The following ATP2B2 variants were observed in gnomAD, a reference collection of about 807,000 sequenced individuals.
The protein encoded by ATP2B2 is plasma membrane calcium-transporting ATPase 2.
ATP2B2 carries 15 observed loss-of-function variants against 120.0 expected under a neutral mutation model. That is an observed-to-expected ratio of 0.12 (90% confidence interval 0.08 to 0.19). The LOEUF (loss-of-function observed/expected upper bound fraction) is 0.19. Ranked by LOEUF, ATP2B2 falls within the 10% of genes least tolerant of loss-of-function variation. ATP2B2 has a pLI of 1.00. For missense variants in ATP2B2, 1,045 were observed against 1,719.8 expected (o/e 0.61, Z 6.94); for synonymous variants, 694 against 700.3 (o/e 0.99, Z 0.14).
At chr3:10,585,959 A>G (rs1479396894) in intron 2 of ATP2B2, among the ~76,000 whole-genome samples, 1 of 152,130 alleles carries the variant, frequency 6.6e-6, no homozygotes, top group East Asian at 1.9e-4. Flanking sequence ...CCTATCTCCA[A>G]TCTAGAACCT....
At chr3:10,385,020 G>C (rs1374584339) in intron 8 of ATP2B2, among the ~76,000 whole-genome samples, 1 of 152,224 alleles carries the variant, frequency 6.6e-6, no homozygotes, top group Non-Finnish European at 1.5e-5. Flanking sequence ...GGGCTCCATG[G>C]GGAGTCAAGG....
At chr3:10,395,513 G>A (rs1265272780) in intron 5 of ATP2B2, among the ~76,000 whole-genome samples, 1 of 152,252 alleles carries the variant, frequency 6.6e-6, no homozygotes, top group East Asian at 1.9e-4. Flanking sequence ...TGATGAGGAG[G>A]AGAGTGAGAT....
intron 13 of ATP2B2, among the ~76,000 whole-genome samples, 173 bp from the exon 14 acceptor site, chr3:10,359,098 CA>C (rs2060822665): frequency 6.6e-6 from 1 of 152,160 alleles, no homozygotes; most frequent in South Asian, 2.1e-4. Context: ...AATTTTTGCC[CA>C]GGCCACTCAG....
Position 10,662,224 on chromosome 3 carries a change from A to G in ATP2B2, c.-459-42263T>C, listed in dbSNP as rs544234812. Among the ~76,000 whole-genome samples the G allele has an allele frequency of 2.0e-3, 301 of 152,246 alleles. 1 individual carries two copies. The highest frequency in any genetic ancestry group is 3.2e-3 in the Non-Finnish European group (221 of 68,030). On this transcript the variant is annotated intron_variant, in intron 1 of 21. Coordinates refer to the ATP2B2 transcript ENST00000646379. ...AAATACCAAAAGCAATGGCAACAAA[A>G]GCCAAAATTGACAAATGGTATCTAA... is the stretch of plus-strand genomic sequence containing the variant.
chr3:10,410,951 T>A, intron 2 of ATP2B2, 136 bp from the exon 3 acceptor site: 5 of 1,069,722 alleles, frequency 4.7e-6, no homozygotes, highest in Non-Finnish European at 6.9e-6. Flanking sequence ...CATCTCTTCA[T>A]GCTTTGGGCC....
At position 10,466,539 on chromosome 3, in the gene ATP2B2, T is replaced by A. The variant is rs538756405; in HGVS notation, c.-319-16677A>T. Among the ~76,000 whole-genome samples, 3 of 152,158 alleles carry A rather than the reference T, an allele frequency of 2.0e-5. 1 individual carries two copies. Among genetic ancestry groups the A allele is most frequent in the African/African-American group, 7.2e-5 (3 of 41,500 alleles). The stretch of plus-strand genomic sequence containing the variant: ...GGTCTTAGTGTCTCAGTTTGGAAGG[T>A]GGATGGGTAGCAAAAAAGGGGGCAC... On this transcript the variant is annotated intron_variant, in intron 1 of 22. Coordinates refer to ENST00000360273, the MANE Select transcript of ATP2B2 (RefSeq NM_001001331.4).
At chr3:10,393,967 G>C (rs3774159) in intron 5 of ATP2B2, among the ~76,000 whole-genome samples, 72,429 of 152,064 alleles carry the variant, frequency 0.48, 19,084 homozygotes, top group East Asian at 0.97. Flanking sequence ...TGTGGGGTAT[G>C]CTGAGCCATA....
At chr3:10,634,821 T>C (rs1003498033) in intron 1 of ATP2B2, among the ~76,000 whole-genome samples, 8 of 152,142 alleles carry the variant, frequency 5.3e-5, no homozygotes, top group African/African-American at 1.9e-4. Flanking sequence ...CAGCCAGAAC[T>C]CCACCATTAG....
intron 14 of ATP2B2, among the ~76,000 whole-genome samples, chr3:10,351,986 GTTTGTGTGAC>G (rs1438830423): frequency 6.6e-6 from 1 of 152,246 alleles, no homozygotes; most frequent in African/African-American, 2.4e-5. Flanking sequence ...GAGCCACTCA[GTTTGTGTGAC>G]TTTGATACGG....
chr3:10,567,528 G>A (rs1042493695), intron 2 of ATP2B2, among the ~76,000 whole-genome samples: 9 of 152,184 alleles, frequency 5.9e-5, no homozygotes, highest in Non-Finnish European at 1.5e-5. Flanking sequence ...GGGTGGTCTT[G>A]GGCATGACTT....
At chr3:10,445,100 G>T (rs545368115) in intron 2 of ATP2B2, among the ~76,000 whole-genome samples, 1 of 152,162 alleles carries the variant, frequency 6.6e-6, no homozygotes, top group African/African-American at 2.4e-5. Context: ...TCTTTCAAGG[G>T]GATGGGGCCC....
intron 3 of ATP2B2, among the ~76,000 whole-genome samples, chr3:10,510,775 C>T (rs2066745488): frequency 1.3e-5 from 2 of 152,226 alleles, no homozygotes; most frequent in Admixed American, 6.5e-5. Context: ...GGCAGACTGC[C>T]TTTCCCAGGC....
chr3:10,561,646 G>A (rs1315604604), intron 2 of ATP2B2, among the ~76,000 whole-genome samples: 1 of 152,086 alleles, frequency 6.6e-6, no homozygotes, highest in Non-Finnish European at 1.5e-5. Flanking sequence ...CTGAATCATG[G>A]GGGCAGTTTC....
intron 22 of ATP2B2, chr3:10,336,405 G>A (rs768200321): frequency 2.6e-6 from 3 of 1,142,948 alleles, no homozygotes; most frequent in Non-Finnish European, 3.7e-6. Context: ...CGGCAACAAC[G>A]ACAATGTCAC....
intron 8 of ATP2B2, among the ~76,000 whole-genome samples, chr3:10,383,435 C>T (rs922926786): frequency 1.3e-5 from 2 of 152,222 alleles, no homozygotes; most frequent in Admixed American, 6.5e-5. Flanking sequence ...TCAATTCAAT[C>T]CAGTGGTTCT....
At chr3:10,650,221 C>T (rs2070420581) in intron 1 of ATP2B2, among the ~76,000 whole-genome samples, 2 of 152,246 alleles carry the variant, frequency 1.3e-5, no homozygotes, top group Admixed American at 1.3e-4. Context: ...AACGTCCAGA[C>T]TGAGGTGGTC....
intron 11 of ATP2B2, among the ~76,000 whole-genome samples, chr3:10,373,373 C>T (rs2061295897): frequency 6.6e-6 from 1 of 152,232 alleles, no homozygotes; most frequent in Admixed American, 6.5e-5. Flanking sequence ...CTCAGCCCAC[C>T]TGTACTCTTT....
At chr3:10,703,280 T>TGC (rs1489210066) in intron 1 of ATP2B2, among the ~76,000 whole-genome samples, 1 of 152,182 alleles carries the variant, frequency 6.6e-6, no homozygotes, top group Admixed American at 6.5e-5. Context: ...GAGGGAGTCC[T>TGC]GCGCGCAGAA....
intron 2 of ATP2B2, among the ~76,000 whole-genome samples, chr3:10,534,657 G>A (rs1031054348): frequency 2.0e-5 from 3 of 152,174 alleles, no homozygotes; most frequent in Non-Finnish European, 4.4e-5. Flanking sequence ...GAGAGACAGA[G>A]ATACTTTCTT....
Sources: gnomAD v4.1 joint callset for allele counts (sites outside exome capture counted in the v4.1 genomes callset) on GRCh38, gnomAD v4.1.1 for gene constraint, MANE v1.5 for transcripts, NCBI Gene and HGNC (gene_info 2026-07-23, HGNC 2026-07-21) for gene names.